Variants in SLC28A2 observed in about 807,000 individuals in gnomAD.
The protein encoded by SLC28A2 is sodium/nucleoside cotransporter 2.
Under a neutral mutation model 72.9 loss-of-function variants are expected in SLC28A2, and 69 were observed. The ratio of observed to expected loss-of-function variants is 0.95; its 90% confidence interval spans 0.78 to 1.16. The LOEUF is 1.16. Ranked by LOEUF, SLC28A2 falls within the 50% of genes most tolerant of loss-of-function variation. The probability of loss-of-function intolerance (pLI) is 0.00; values close to 1 mark genes in which losing one functional copy is unlikely to be tolerated. For missense variants in SLC28A2, 745 were observed against 791.1 expected (o/e 0.94, Z 0.70); for synonymous variants, 296 against 294.1 (o/e 1.01, Z -0.07).
At position 45,275,700 on chromosome 15, in the gene SLC28A2, C is replaced by G; in HGVS notation, c.*187C>G. ...CCTGTAATCCCAGCACTTTGGGAGG[C>G]CGAGGCGGGCGGATCACAAGGTCAG... On this transcript the variant is annotated 3_prime_UTR_variant, in exon 18 of 18. Coordinates refer to ENST00000347644, the MANE Select transcript of SLC28A2 (RefSeq NM_004212.4). 1 of 516,040 alleles carries G rather than the reference C, an allele frequency of 1.9e-6. No individual in the cohort carries two copies. Among genetic ancestry groups the G allele is most frequent in the South Asian group, 2.4e-5 (1 of 42,406 alleles). The allele number at this position is 516,040 out of a possible 1,614,324, so 32.0% of individuals were successfully genotyped here. A position where few individuals can be genotyped will look rare whatever the true frequency, so the allele number is the denominator to read the frequency against.
At chr15:45,275,214 G>T (rs1264728154) in intron 17 of SLC28A2, among the ~76,000 whole-genome samples, 182 bp from the exon 18 acceptor site, 7 of 152,194 alleles carry the variant, frequency 4.6e-5, no homozygotes, top group Admixed American at 4.6e-4. Context: ...ATGGTTTCTT[G>T]CTAGTATTAT....
intron 15 of SLC28A2, chr15:45,272,034 G>A: frequency 2.5e-6 from 1 of 404,220 alleles, no homozygotes; most frequent in Non-Finnish European, 4.4e-6. Context: ...GATACATCTT[G>A]GGTATGTTCA....
chr15:45,266,129 C>A lies in SLC28A2; in HGVS notation c.910C>A (p.Leu304Met). ...TATGGGCACCACTGCTACAGAGACCCTGGCTGTGGCAGGAAACATCTTTGT... is the reference window on the plus strand; with the variant it reads ...TATGGGCACCACTGCTACAGAGACCATGGCTGTGGCAGGAAACATCTTTGT... ...ITMGTTATET[L>M]AVAGNIFVGM... The change falls in exon 10 of 18, where the codon CTG (leucine) becomes ATG (methionine). Residue 304 changes from leucine (L) to methionine (M), a missense_variant. Transcript: ENST00000347644. 6.2e-7 allele frequency: 1 copy of A among 1,613,870 alleles called. No homozygotes were observed. Among genetic ancestry groups the A allele is most frequent in the Non-Finnish European group, 8.5e-7 (1 of 1,179,730 alleles).
At chr15:45,265,754 G>A in intron 9 of SLC28A2, 91 bp downstream of exon 9, 3 of 898,214 alleles carry the variant, frequency 3.3e-6, no homozygotes, top group Non-Finnish European at 5.6e-6. Context: ...GGTCTAGAGT[G>A]TTAGAAACAA....
rs767522064 is a variant in SLC28A2 at position 45,264,709 on chromosome 15, T to A, written c.643T>A (p.Leu215Met). Reference protein sequence around the residue: ...GLGLQFVFGILVIRTDLGYTV... With the variant: ...GLGLQFVFGIMVIRTDLGYTV... Reference sequence around the variant, plus strand: ...AGGTCTTCAATTTGTCTTTGGGATCTTGGTCATCAGAACTGATCTTGGATA... The same window carrying A: ...AGGTCTTCAATTTGTCTTTGGGATCATGGTCATCAGAACTGATCTTGGATA... Residue 215 changes from leucine (L) to methionine (M), a missense_variant, in exon 7 of 18, where the codon TTG becomes ATG. By Grantham distance (15) the Leu-to-Met change is conservative. Coordinates refer to ENST00000347644, the MANE Select transcript of SLC28A2 (RefSeq NM_004212.4). 6.2e-7 allele frequency: 1 copy of A among 1,614,082 alleles called. No homozygotes were observed. Among genetic ancestry groups the A allele is most frequent in the Non-Finnish European group, 8.5e-7 (1 of 1,179,914 alleles).
chr15:45,256,840 A>T (rs542198355), intron 3 of SLC28A2, among the ~76,000 whole-genome samples: 1 of 152,228 alleles, frequency 6.6e-6, no homozygotes, highest in African/African-American at 2.4e-5. Flanking sequence ...TATCCTATAT[A>T]GCTTCTACCA....
At chr15:45,272,212 GTTC>G in intron 15 of SLC28A2, 80 bp from the exon 16 acceptor site, 1 of 1,052,242 alleles carries the variant, frequency 9.5e-7, no homozygotes, top group African/African-American at 1.6e-5. Context: ...GTTTCTCTGC[GTTC>G]TTCTAAGTGG....
intron 6 of SLC28A2, among the ~76,000 whole-genome samples, 187 bp downstream of exon 6, chr15:45,264,209 A>G (rs1900254047): frequency 6.6e-6 from 1 of 152,208 alleles, no homozygotes; most frequent in South Asian, 2.1e-4. Flanking sequence ...GCCCTAGACC[A>G]CTTATTTTCA....
At chr15:45,256,257 A>G (rs550069281) in intron 3 of SLC28A2, among the ~76,000 whole-genome samples, 2 of 152,246 alleles carry the variant, frequency 1.3e-5, no homozygotes, top group South Asian at 4.1e-4. Flanking sequence ...CTGGTCTTGA[A>G]TTGCTGGGCC....
intron 3 of SLC28A2, among the ~76,000 whole-genome samples, chr15:45,258,267 A>T: frequency 9.2e-6 from 1 of 108,976 alleles, no homozygotes; most frequent in African/African-American, 2.5e-5. Context: ...TTATTTTATT[A>T]TTATTATTCT....
In SLC28A2 at chr15:45,252,243, C is replaced by T. The variant is rs1268899566; in HGVS notation, c.-52C>T. The T allele has an allele frequency of 2.2e-6, 1 of 455,750 alleles. No homozygotes were observed. The highest frequency in any genetic ancestry group is 4.4e-6 in the Non-Finnish European group (1 of 226,794). The allele number at this position is 455,750 out of a possible 1,614,324, so 28.2% of individuals were successfully genotyped here. On this transcript the variant is annotated 5_prime_UTR_variant, in exon 1 of 18. Transcript: ENST00000347644. The stretch of plus-strand genomic sequence containing the variant: ...GCTGAGCTTTTCTTTCAGTCCTTCA[C>T]TGAGGAGCCAGAGGGAATCAATTCC...
At chr15:45,266,582 C>A (rs955151196) in intron 10 of SLC28A2, among the ~76,000 whole-genome samples, 4 of 152,210 alleles carry the variant, frequency 2.6e-5, no homozygotes, top group Admixed American at 2.6e-4. Context: ...CCAGGCTCTT[C>A]CCCATAATAC....
intron 3 of SLC28A2, among the ~76,000 whole-genome samples, chr15:45,254,932 T>C (rs1486000834): frequency 1.3e-5 from 2 of 152,168 alleles, no homozygotes; most frequent in African/African-American, 4.8e-5. Context: ...GTGTCTATAT[T>C]TGAACAGTGG....
intron 4 of SLC28A2, 68 bp from the exon 5 acceptor site, chr15:45,262,993 A>G (rs1173424914): frequency 8.2e-6 from 11 of 1,342,790 alleles, no homozygotes; most frequent in South Asian, 2.6e-5. Flanking sequence ...GGCATTCATG[A>G]CTGGAGTTTC....
chr15:45,271,988 AC>A (rs1900586947), intron 15 of SLC28A2: 1 of 284,916 alleles, frequency 3.5e-6, no homozygotes, highest in South Asian at 6.4e-5. Context: ...AGGCATTTGT[AC>A]CTGTCTGGAG....
intron 4 of SLC28A2, 135 bp downstream of exon 4, chr15:45,262,241 C>T: frequency 1.6e-6 from 1 of 632,948 alleles, no homozygotes. Flanking sequence ...TCAATCTTAA[C>T]TACTTGTAGG....
At chr15:45,259,827 G>C (rs1222737198) in intron 3 of SLC28A2, among the ~76,000 whole-genome samples, 1 of 152,186 alleles carries the variant, frequency 6.6e-6, no homozygotes, top group Non-Finnish European at 1.5e-5. Flanking sequence ...GTGCTATATG[G>C]TAAGTGAGTT....
At position 45,252,239 on chromosome 15, in the gene SLC28A2, T is replaced by C. The variant is rs1170609437; in HGVS notation, c.-56T>C. The C allele has an allele frequency of 2.2e-6, 1 of 455,614 alleles. No homozygotes were observed. Among genetic ancestry groups the C allele is most frequent in the African/African-American group, 2.0e-5 (1 of 50,060 alleles). 28.2% of individuals were successfully genotyped at this position (455,614 alleles called of 1,614,324 possible). A position where few individuals can be genotyped will look rare whatever the true frequency, so the allele number is the denominator to read the frequency against. ...CGCAGCTGAGCTTTTCTTTCAGTCC[T>C]TCACTGAGGAGCCAGAGGGAATCAA... On this transcript the variant is annotated 5_prime_UTR_variant, in exon 1 of 18. Coordinates refer to ENST00000347644, the MANE Select transcript of SLC28A2 (RefSeq NM_004212.4).
chr15:45,262,619 G>A lies in SLC28A2; in HGVS notation c.263-442G>A, dbSNP rs139202862. Among the ~76,000 whole-genome samples the A allele has an allele frequency of 4.3e-3, 652 of 152,284 alleles. 4 individuals are homozygous for A. The highest frequency in any genetic ancestry group is 0.01 in the Middle Eastern group (3 of 294). On this transcript the variant is annotated intron_variant, in intron 4 of 17. Coordinates refer to ENST00000347644, the MANE Select transcript of SLC28A2 (RefSeq NM_004212.4). Reference sequence around the variant, plus strand: ...GATGAGTAAGAGAGCCATGGGATGAGGTCCACATGGCTGCACTTCCCAGTG... The same window carrying A: ...GATGAGTAAGAGAGCCATGGGATGAAGTCCACATGGCTGCACTTCCCAGTG...
Sources: gnomAD v4.1 joint callset for allele counts (sites outside exome capture counted in the v4.1 genomes callset) on GRCh38, gnomAD v4.1.1 for gene constraint, MANE v1.5 for transcripts, NCBI Gene and HGNC (gene_info 2026-07-23, HGNC 2026-07-21) for gene names.